The following DENND2A variants were observed in gnomAD, a reference collection of about 807,000 sequenced individuals.
DENND2A encodes the protein DENN domain containing 2A.
A neutral mutation model predicts 105.3 loss-of-function variants in DENND2A; 53 were observed. The ratio of observed to expected loss-of-function variants is 0.50; its 90% CI spans 0.40 to 0.63. The LOEUF is 0.63. DENND2A is among the 30% of genes least tolerant of loss of function. The pLI is 0.00. For synonymous variants in DENND2A, 522 were observed against 508.4 expected (o/e 1.03, Z -0.36); for missense variants, 1,138 against 1,279.6 (o/e 0.89, Z 1.69).
intron 9 of DENND2A, among the ~76,000 whole-genome samples, chr7:140,562,749 G>A (rs2130580644): frequency 6.6e-6 from 1 of 152,286 alleles, no homozygotes; most frequent in East Asian, 1.9e-4. Flanking sequence ...TGAAGCCATG[G>A]GGTGCCACTA....
chr7:140,574,502 A>G (rs916121920), intron 5 of DENND2A, among the ~76,000 whole-genome samples: 1 of 152,032 alleles, frequency 6.6e-6, no homozygotes, highest in African/African-American at 2.4e-5. Flanking sequence ...TACAGGCATG[A>G]GCCACCACAC....
intron 3 of DENND2A, among the ~76,000 whole-genome samples, chr7:140,595,711 T>C (rs1799256234): frequency 6.6e-6 from 1 of 151,314 alleles, no homozygotes; most frequent in African/African-American, 2.4e-5. Context: ...GAGGTTGCAG[T>C]GAGTTGAGAT....
At chr7:140,531,627 C>T (rs10237487) in intron 14 of DENND2A, among the ~76,000 whole-genome samples, 3 of 148,086 alleles carry the variant, frequency 2.0e-5, no homozygotes, top group South Asian at 2.1e-4. Flanking sequence ...GGAGAAACCC[C>T]GTCTCTACTA....
intron 1 of DENND2A, among the ~76,000 whole-genome samples, chr7:140,631,316 T>C (rs1191494371): frequency 1.3e-5 from 2 of 152,142 alleles, no homozygotes; most frequent in African/African-American, 4.8e-5. Flanking sequence ...AAAAGGAGCA[T>C]TCTCTTTCTC....
intron 1 of DENND2A, among the ~76,000 whole-genome samples, chr7:140,610,615 T>C (rs546559102): frequency 6.6e-6 from 1 of 152,298 alleles, no homozygotes; most frequent in East Asian, 1.9e-4. Context: ...GGGCTTAGAA[T>C]TCTAAAATGT....
At chr7:140,547,009 G>A (rs975739050) in intron 12 of DENND2A, 70 bp from the exon 13 acceptor site, 1 of 1,549,600 alleles carries the variant, frequency 6.5e-7, no homozygotes, top group Non-Finnish European at 8.8e-7. Context: ...AGTTCTAGGT[G>A]AAGTGGGCCT....
chr7:140,593,487 T>C (rs540100187), intron 3 of DENND2A, among the ~76,000 whole-genome samples: 1 of 152,374 alleles, frequency 6.6e-6, no homozygotes, highest in East Asian at 1.9e-4. Context: ...TTCTGAGTCG[T>C]ATTTTGAATG....
At chr7:140,552,776 G>C (rs1258173374) in intron 12 of DENND2A, among the ~76,000 whole-genome samples, 1 of 152,084 alleles carries the variant, frequency 6.6e-6, no homozygotes, top group Non-Finnish European at 1.5e-5. Flanking sequence ...TACGATCACA[G>C]CTCACCACAG....
chr7:140,584,549 G>A (rs1798695871), intron 5 of DENND2A, among the ~76,000 whole-genome samples: 1 of 152,192 alleles, frequency 6.6e-6, no homozygotes, highest in Admixed American at 6.5e-5. Context: ...TAGTCCTGCA[G>A]GCAATGGGTT....
chr7:140,528,839 C>A (rs1796154510), intron 14 of DENND2A, among the ~76,000 whole-genome samples: 1 of 151,560 alleles, frequency 6.6e-6, no homozygotes, highest in African/African-American at 2.4e-5. Context: ...TTGGGAGAGG[C>A]CAGGCACAGT....
At chr7:140,526,639 T>C (rs1234181023) in intron 15 of DENND2A, among the ~76,000 whole-genome samples, 2 of 152,168 alleles carry the variant, frequency 1.3e-5, no homozygotes, top group Non-Finnish European at 2.9e-5. Flanking sequence ...AAGCCTGCAC[T>C]GAAAGCCCTA....
chr7:140,640,877 G>C (rs1585815265), upstream of DENND2A: 1 of 151,810 alleles, frequency 6.6e-6, no homozygotes, highest in Non-Finnish European at 1.5e-5. This position sits in a 1 kb window ranked among gnomAD's most constrained non-coding sequence, Gnocchi z 4.9. Context: ...CGCAGCTGGC[G>C]GGCGCCCGGC....
rs59370856 is a variant in DENND2A at position 140,534,947 on chromosome 7, G to A, written c.2328-7452C>T. Among the ~76,000 whole-genome samples the A allele has an allele frequency of 1.8e-3, 268 of 152,290 alleles. 10 individuals carry two copies. The East Asian group carries it at 0.043, about 25-fold the overall frequency. ...GGGTTGGGTCCAAGGATGTTTTGCT[G>A]TTGGGTGGTGGTTCCTGAGTGTTGG... is the stretch of plus-strand genomic sequence containing the variant. On this transcript the variant is annotated intron_variant, in intron 14 of 19. Coordinates refer to ENST00000496613, the MANE Select transcript of DENND2A (RefSeq NM_015689.5).
chr7:140,573,564 G>T (rs540498247), intron 6 of DENND2A, among the ~76,000 whole-genome samples: 87 of 152,220 alleles, frequency 5.7e-4, no homozygotes, highest in African/African-American at 1.8e-3. Context: ...AACCTTGTCT[G>T]GGATTAGACA....
At chr7:140,544,085 T>G in intron 14 of DENND2A, 2 of 180,764 alleles carry the variant, frequency 1.1e-5, no homozygotes, top group East Asian at 1.3e-4. Context: ...AGAGACTGAG[T>G]TTCATCATGT....
intron 14 of DENND2A, among the ~76,000 whole-genome samples, chr7:140,529,563 A>C (rs914006779): frequency 2.0e-5 from 3 of 152,176 alleles, no homozygotes; most frequent in African/African-American, 7.2e-5. Flanking sequence ...CATCAATGAT[A>C]GACTGGATTA....
intron 3 of DENND2A, among the ~76,000 whole-genome samples, chr7:140,591,671 CTCTTTCTT>C (rs890090370): frequency 3.4e-5 from 5 of 146,112 alleles, no homozygotes; most frequent in Non-Finnish European, 6.0e-5. Context: ...TTCTTTCTTT[CTCTTTCTT>C]TCTTTCTTTC....
At position 140,600,580 on chromosome 7, in the gene DENND2A, T is replaced by C. The variant is rs924809705; in HGVS notation, c.995+823A>G. ...TCCTCGAATACTGAGAGGGGCCAAT[T>C]AAGAAAAAAACAAAGAACTGGCAAT... On this transcript the variant is annotated intron_variant, in intron 3 of 19. Coordinates refer to ENST00000496613, the MANE Select transcript of DENND2A (RefSeq NM_015689.5). Among the ~76,000 whole-genome samples, 3 of 151,720 alleles carry C rather than the reference T, an allele frequency of 2.0e-5. No homozygotes were observed. In the South Asian group the frequency reaches 6.3e-4, roughly 32 times the overall value.
chr7:140,635,449 G>C (rs542704928), intron 1 of DENND2A, among the ~76,000 whole-genome samples: 1 of 152,264 alleles, frequency 6.6e-6, no homozygotes, highest in East Asian at 1.9e-4. Flanking sequence ...CTTCAGATAA[G>C]ATCCGCAGTG....
Sources: gnomAD v4.1 joint callset for allele counts (sites outside exome capture counted in the v4.1 genomes callset) on GRCh38, gnomAD v4.1.1 for gene constraint, Gnocchi (gnomAD v3.1) non-coding constraint, MANE v1.5 for transcripts, NCBI Gene and HGNC (gene_info 2026-07-23, HGNC 2026-07-21) for gene names.